The following HERC5 variants were observed in gnomAD, a reference collection of about 807,000 sequenced individuals.
The protein encoded by HERC5 is E3 ISG15--protein ligase HERC5.
In HERC5, 99 loss-of-function variants were observed where a neutral mutation model predicts 119.6. The observed-to-expected ratio is 0.83, with a 90% confidence interval of 0.70 to 0.98. The LOEUF (loss-of-function observed/expected upper bound fraction) is 0.98, where lower values mean the gene tolerates loss of function less well. Among genes scored for constraint, HERC5 ranks in the 50% least tolerant of loss-of-function variants. The pLI, the probability that HERC5 is intolerant of heterozygous loss-of-function variation, is 0.00. For missense variants in HERC5, 1,267 were observed against 1,241.3 expected, an observed-to-expected ratio of 1.02 and a Z score of -0.31; for synonymous variants, 478 against 445.9, an observed-to-expected ratio of 1.07 and a Z score of -0.91.
chr4:88,464,602 T>G (rs1740582225), intron 6 of HERC5, among the ~76,000 whole-genome samples: 1 of 151,842 alleles, frequency 6.6e-6, no homozygotes, highest in South Asian at 2.1e-4. Flanking sequence ...TTGGTTTTTT[T>G]TTTTGAGGCA....
At chr4:88,475,324 C>CTTT (rs757780297) in intron 11 of HERC5, among the ~76,000 whole-genome samples, 20 of 123,478 alleles carry the variant, frequency 1.6e-4, no homozygotes, top group African/African-American at 2.3e-4. Flanking sequence ...TTCTTTCTTT[C>CTTT]TTTTTTTTTT....
At chr4:88,490,319 A>G (rs1006168029) in intron 16 of HERC5, among the ~76,000 whole-genome samples, 1 of 152,276 alleles carries the variant, frequency 6.6e-6, no homozygotes, top group South Asian at 2.1e-4. Context: ...AGATGGGGAA[A>G]CTGAGGTACA....
At position 88,505,867 on chromosome 4, in the gene HERC5, G is replaced by A; in HGVS notation, c.3064G>A (p.Gly1022Arg). 1 of 1,608,650 alleles carries A rather than the reference G, an allele frequency of 6.2e-7. No homozygotes were observed. The highest frequency in any genetic ancestry group is 8.5e-7 in the Non-Finnish European group (1 of 1,177,790). Residue 1022 changes from glycine to arginine, a missense_variant, in exon 23 of 23, where the codon GGA becomes AGA. By Grantham distance (125) the Gly-to-Arg change is moderately radical (BLOSUM62 -2). Around this residue, in one of 3 missense-constraint regions of HERC5, gnomAD observed 473 missense variants for 445.7 expected, o/e 1.06. Coordinates refer to ENST00000264350, the MANE Select transcript of HERC5 (RefSeq NM_016323.4). Reference sequence around the variant, plus strand: ...TCAAGAAGCCATCAACAACAACAGAGGATTTGGCTGACCAGCTTGCTTGTC... The same window carrying A: ...TCAAGAAGCCATCAACAACAACAGAAGATTTGGCTGACCAGCTTGCTTGTC... ...ALQEAINNNR[G>R]FG
chr4:88,463,992 T>A lies in HERC5; in HGVS notation c.911+7T>A. 6.2e-7 allele frequency: 1 copy of A among 1,610,112 alleles called. No individual in the cohort carries two copies. Among genetic ancestry groups the A allele is most frequent in the Non-Finnish European group, 8.5e-7 (1 of 1,178,510 alleles). Reference sequence around the variant, plus strand: ...CTCAGATAGCATGTGGAAGGTAAGTTGTAAAGTATCAATAAGAATTGATAA... The same window carrying A: ...CTCAGATAGCATGTGGAAGGTAAGTAGTAAAGTATCAATAAGAATTGATAA... On this transcript the variant is annotated splice_region_variant and intron_variant, in intron 6 of 22. Coordinates refer to ENST00000264350, the MANE Select transcript of HERC5 (RefSeq NM_016323.4).
At chr4:88,471,926 C>T (rs1336276924) in intron 10 of HERC5, among the ~76,000 whole-genome samples, 3 of 150,220 alleles carry the variant, frequency 2.0e-5, no homozygotes, top group Non-Finnish European at 3.0e-5. Context: ...TTCTATGGCC[C>T]GCCCTTCTTC....
chr4:88,471,629 G>A (rs1016410478), intron 10 of HERC5, among the ~76,000 whole-genome samples: 1 of 152,008 alleles, frequency 6.6e-6, no homozygotes, highest in African/African-American at 2.4e-5. Flanking sequence ...GTGAGCTACC[G>A]CACCCAGCCG....
At chr4:88,493,346 C>A (rs1432667959) in intron 17 of HERC5, among the ~76,000 whole-genome samples, 191 bp downstream of exon 17, 1 of 152,146 alleles carries the variant, frequency 6.6e-6, no homozygotes, top group African/African-American at 2.4e-5. Flanking sequence ...GTTCCCATGT[C>A]TGTTCACATC....
At position 88,505,919 on chromosome 4, in the gene HERC5, CGTTGTT is replaced by C. The variant is rs58490237; in HGVS notation, c.*63_*68del. 951 of 1,431,006 alleles carry C rather than the reference CGTTGTT, an allele frequency of 6.6e-4. 3 individuals carry two copies. In the African/African-American group the frequency reaches 8.5e-3, roughly 13 times the overall value. 88.6% of individuals were successfully genotyped at this position (1,431,006 alleles called of 1,614,324 possible). A position where few individuals can be genotyped will look rare whatever the true frequency, so the allele number is the denominator to read the frequency against. ...AACAGCCTTATTTTGTTGTTGTTAT[CGTTGTT>C]GTTGTTGTTGTTGTTGTTGTTTCTC... On this transcript the variant is annotated 3_prime_UTR_variant, in exon 23 of 23. Coordinates refer to ENST00000264350, the MANE Select transcript of HERC5 (RefSeq NM_016323.4).
In HERC5 at chr4:88,500,946, T is replaced by C; in HGVS notation, c.2543T>C (p.Ile848Thr). The C allele has an allele frequency of 6.2e-7, 1 of 1,612,226 alleles. No homozygotes were observed. Among genetic ancestry groups the C allele is most frequent in the Non-Finnish European group, 8.5e-7 (1 of 1,179,494 alleles). ...VHWDRNDTNL[I>T]PNGSSITVNQ... Reference sequence around the variant, plus strand: ...TGGGACAGAAACGACACAAACTTAATTCCTAATGGAAGTAGCATAACTGTC... The same window carrying C: ...TGGGACAGAAACGACACAAACTTAACTCCTAATGGAAGTAGCATAACTGTC... Residue 848 changes from isoleucine (I) to threonine (T), a missense_variant, in exon 20 of 23, where the codon ATT (isoleucine) becomes ACT (threonine). By Grantham distance (89) the Ile-to-Thr change is moderately conservative. This residue lies in a region of HERC5 where 473 missense variants were observed against 445.7 expected (regional missense o/e 1.06). Transcript: ENST00000264350.
intron 16 of HERC5, 80 bp downstream of exon 16, chr4:88,489,416 G>A: frequency 1.6e-6 from 2 of 1,279,086 alleles, no homozygotes; most frequent in African/African-American, 1.5e-5. Context: ...GTTTCATAGA[G>A]AGGAAGTTAT....
Position 88,467,205 on chromosome 4 carries a change from G to A in HERC5, c.1057+1G>A. On this transcript the variant is annotated splice_donor_variant, in intron 7 of 22. Transcript: ENST00000264350. LOFTEE classifies it high-confidence loss of function. ...TCATCAAGTGAAGAACTCAAACTTG[G>A]TAAATTCTATAGGAACATAGGGTTT... The A allele has an allele frequency of 1.9e-6, 3 of 1,613,956 alleles. No homozygotes were observed. Among genetic ancestry groups the A allele is most frequent in the Non-Finnish European group, 1.7e-6 (2 of 1,179,870 alleles).
At position 88,458,305 on chromosome 4, in the gene HERC5, CTGTT is replaced by C. The variant is rs568992389; in HGVS notation, c.265+772_265+775del. Among the ~76,000 whole-genome samples, 23 of 151,630 alleles carry C rather than the reference CTGTT, an allele frequency of 1.5e-4. No homozygotes were observed. In the South Asian group the frequency reaches 2.1e-3, roughly 14 times the overall value. ...GGGGGTAGTCTGTCAATTTTTTTGT[CTGTT>C]AAGGCTTATGGGTTTTATGTTAGGC... is the stretch of plus-strand genomic sequence containing the variant. On this transcript the variant is annotated intron_variant, in intron 1 of 22. Coordinates refer to ENST00000264350, the MANE Select transcript of HERC5 (RefSeq NM_016323.4).
intron 16 of HERC5, among the ~76,000 whole-genome samples, chr4:88,490,772 G>T (rs952970800): frequency 1.4e-4 from 21 of 152,274 alleles, no homozygotes; most frequent in African/African-American, 4.6e-4. Flanking sequence ...TTGAACCCAG[G>T]AGGTGGAGGT....
chr4:88,480,378 A>G (rs1409708226), intron 13 of HERC5, among the ~76,000 whole-genome samples: 6 of 151,152 alleles, frequency 4.0e-5, no homozygotes, highest in Admixed American at 1.3e-4. Context: ...TTGTATGAAT[A>G]TACCATACTT....
intron 12 of HERC5, among the ~76,000 whole-genome samples, chr4:88,477,452 G>T (rs1454137676): frequency 1.2e-5 from 1 of 86,880 alleles, no homozygotes; most frequent in Admixed American, 1.1e-4. Flanking sequence ...GGAGGGGAAG[G>T]TGAAGGGAAG....
intron 13 of HERC5, among the ~76,000 whole-genome samples, chr4:88,484,590 T>G (rs1048286504): frequency 6.6e-6 from 1 of 152,212 alleles, no homozygotes; most frequent in Non-Finnish European, 1.5e-5. Flanking sequence ...TGGAACAGTT[T>G]GCCTTGTGGT....
intron 19 of HERC5, 73 bp downstream of exon 19, chr4:88,500,065 T>C: frequency 1.1e-6 from 1 of 924,392 alleles, no homozygotes; most frequent in Non-Finnish European, 1.7e-6. Flanking sequence ...ACTAAACATG[T>C]CAACTTTTAC....
At position 88,470,041 on chromosome 4, in the gene HERC5, A is replaced by G. The variant is rs185322477; in HGVS notation, c.1239-573A>G. Among the ~76,000 whole-genome samples the G allele has an allele frequency of 4.6e-5, 7 of 152,336 alleles. No individual in the cohort carries two copies. The East Asian group carries it at 9.6e-4, about 21-fold the overall frequency. On this transcript the variant is annotated intron_variant, in intron 9 of 22. Transcript: ENST00000264350. The stretch of plus-strand genomic sequence containing the variant: ...TTCTTCTCTAAACCATAGAACTCCT[A>G]TAGGTTTACAGAACTCCTACCTATT...
At chr4:88,489,067 C>A in intron 15 of HERC5, 99 bp from the exon 16 acceptor site, 1 of 870,754 alleles carries the variant, frequency 1.1e-6, no homozygotes, top group Non-Finnish European at 1.8e-6. Context: ...ATGTGACCTG[C>A]ACTTATAAGC....
Sources: gnomAD v4.1 joint callset for allele counts (sites outside exome capture counted in the v4.1 genomes callset) on GRCh38, gnomAD v4.1.1 for gene constraint, gnomAD v4.1.1 regional missense constraint, MANE v1.5 for transcripts, NCBI Gene and HGNC (gene_info 2026-07-23, HGNC 2026-07-21) for gene names.